Variants in ZEB1 observed in about 807,000 individuals in gnomAD.
ZEB1 encodes the protein zinc finger E-box binding homeobox 1, also known as zinc finger E-box-binding homeobox 1.
A neutral mutation model predicts 84.9 loss-of-function variants in ZEB1; 21 were observed. The ratio of observed to expected loss-of-function variants is 0.25; its 90% CI spans 0.18 to 0.36. ZEB1 has a LOEUF of 0.36. Among genes scored for constraint, ZEB1 ranks in the 10% least tolerant of loss-of-function variants. The pLI is 1.00. For synonymous variants in ZEB1, 420 were observed against 471.1 expected (o/e 0.89, Z 1.41); for missense variants, 1,104 against 1,330.2 (o/e 0.83, Z 2.65).
intron 1 of ZEB1, among the ~76,000 whole-genome samples, chr10:31,382,409 CAT>C (rs908283002): frequency 1.1e-4 from 17 of 152,024 alleles, no homozygotes; most frequent in Non-Finnish European, 1.6e-4. Flanking sequence ...TTTTGTAAAA[CAT>C]AGATTACTGG....
intron 1 of ZEB1, among the ~76,000 whole-genome samples, chr10:31,384,343 T>C (rs1053157872): frequency 6.6e-6 from 1 of 152,150 alleles, no homozygotes; most frequent in Non-Finnish European, 1.5e-5. Context: ...CATGACTAAA[T>C]GCTTACTCTC....
At chr10:31,390,322 C>T (rs1043703137) in intron 1 of ZEB1, among the ~76,000 whole-genome samples, 2 of 152,060 alleles carry the variant, frequency 1.3e-5, no homozygotes, top group Admixed American at 1.3e-4. Context: ...TTTCTCTGCG[C>T]AGGATTTTAA....
chr10:31,395,311 C>CT (rs959603736), intron 1 of ZEB1, among the ~76,000 whole-genome samples: 4 of 151,996 alleles, frequency 2.6e-5, no homozygotes, highest in Non-Finnish European at 4.4e-5. Flanking sequence ...GCATCTCATG[C>CT]TTTTTTTTCT....
intron 1 of ZEB1, among the ~76,000 whole-genome samples, chr10:31,457,729 A>G (rs571081715): frequency 1.3e-5 from 2 of 152,132 alleles, no homozygotes; most frequent in African/African-American, 2.4e-5. Context: ...TGACTTGGGC[A>G]GAATAGAACA....
intron 2 of ZEB1, among the ~76,000 whole-genome samples, chr10:31,481,468 G>C (rs2065031598): frequency 6.6e-6 from 1 of 151,984 alleles, no homozygotes; most frequent in African/African-American, 2.4e-5. Flanking sequence ...CAGGGAAAAT[G>C]GAAGATGAGC....
intron 1 of ZEB1, chr10:31,321,710 C>G (rs1343182404): frequency 1.2e-6 from 1 of 860,334 alleles, no homozygotes; most frequent in East Asian, 2.5e-5. Context: ...GATTTTTCTC[C>G]TTGAGATCCT....
intron 1 of ZEB1, among the ~76,000 whole-genome samples, chr10:31,383,776 A>T (rs1044748775): frequency 3.9e-5 from 6 of 152,132 alleles, no homozygotes; most frequent in African/African-American, 1.4e-4. Flanking sequence ...CATTTTTGCC[A>T]TTGCCAAAAG....
At chr10:31,388,970 A>G (rs1024062961) in intron 1 of ZEB1, among the ~76,000 whole-genome samples, 3 of 152,130 alleles carry the variant, frequency 2.0e-5, no homozygotes, top group African/African-American at 4.8e-5. Flanking sequence ...CTCCCTAAAC[A>G]TACACCTTTT....
chr10:31,442,768 G>A (rs1344670531), intron 1 of ZEB1, among the ~76,000 whole-genome samples: 1 of 152,136 alleles, frequency 6.6e-6, no homozygotes, highest in Non-Finnish European at 1.5e-5. Context: ...AGATTGTTTT[G>A]AAAAGGAGAG....
chr10:31,344,643 T>C (rs1232988421), intron 1 of ZEB1, among the ~76,000 whole-genome samples: 1 of 152,112 alleles, frequency 6.6e-6, no homozygotes, highest in Non-Finnish European at 1.5e-5. Context: ...ACAAAAGAAC[T>C]AGTTACCTTT....
rs2068933346 is a variant in ZEB1 at position 31,506,101 on chromosome 10, A to G, written c.484+3592A>G. On this transcript the variant is annotated intron_variant, in intron 4 of 8. Coordinates refer to ENST00000424869, the MANE Select transcript of ZEB1 (RefSeq NM_001174096.2). Reference sequence around the variant, plus strand: ...AAAGTTCCTCTTATTATTAAAATCTATAGTTGTATTACTTTGTGGTCTAAA... The same window carrying G: ...AAAGTTCCTCTTATTATTAAAATCTGTAGTTGTATTACTTTGTGGTCTAAA... Among the ~76,000 whole-genome samples the G allele has an allele frequency of 5.9e-5, 9 of 152,060 alleles. No individual in the cohort carries two copies. The South Asian group carries it at 1.9e-3, about 32-fold the overall frequency.
At chr10:31,504,075 T>C (rs1280670243) in intron 4 of ZEB1, among the ~76,000 whole-genome samples, 1 of 151,988 alleles carries the variant, frequency 6.6e-6, no homozygotes, top group African/African-American at 2.4e-5. Context: ...TGTTTTCTTC[T>C]AGTTTTATGG....
At chr10:31,441,421 G>C (rs2058969562) in intron 1 of ZEB1, among the ~76,000 whole-genome samples, 1 of 152,164 alleles carries the variant, frequency 6.6e-6, no homozygotes, top group Non-Finnish European at 1.5e-5. Flanking sequence ...ATGGATTAAA[G>C]ATTGAAATGT....
intron 1 of ZEB1, among the ~76,000 whole-genome samples, chr10:31,397,685 G>A (rs2051059027): frequency 6.6e-6 from 1 of 152,024 alleles, no homozygotes; most frequent in Admixed American, 6.6e-5. Context: ...TATGACCTAA[G>A]AATTGTTTTT....
At chr10:31,471,607 T>G (rs1204993149) in intron 2 of ZEB1, among the ~76,000 whole-genome samples, 2 of 141,980 alleles carry the variant, frequency 1.4e-5, no homozygotes, top group Non-Finnish European at 3.0e-5. Context: ...CACACATTAA[T>G]AATGGGAGAC....
chr10:31,412,091 C>A (rs2054403591), intron 1 of ZEB1, among the ~76,000 whole-genome samples: 1 of 152,108 alleles, frequency 6.6e-6, no homozygotes. Flanking sequence ...TTACTTATTT[C>A]TTTGCAGATT....
At chr10:31,468,662 C>G (rs1485809736) in intron 2 of ZEB1, among the ~76,000 whole-genome samples, 1 of 152,200 alleles carries the variant, frequency 6.6e-6, no homozygotes, top group Non-Finnish European at 1.5e-5. Flanking sequence ...CTAAGGCTAT[C>G]TGTAACCAAG....
At chr10:31,463,326 TAAAAAC>T (rs1189958592) in intron 2 of ZEB1, among the ~76,000 whole-genome samples, 2 of 152,084 alleles carry the variant, frequency 1.3e-5, no homozygotes, top group Admixed American at 1.3e-4. Flanking sequence ...GGTGCTAGAT[TAAAAAC>T]AAAAACAAAA....
At chr10:31,427,110 G>T (rs1456932637) in intron 1 of ZEB1, among the ~76,000 whole-genome samples, 2 of 151,758 alleles carry the variant, frequency 1.3e-5, no homozygotes, top group Non-Finnish European at 2.9e-5. Flanking sequence ...ATGCATATAG[G>T]TGTGTGCAAG....
Sources: allele counts gnomAD v4.1 joint callset (sites outside exome capture counted in the v4.1 genomes callset), GRCh38; gene constraint gnomAD v4.1.1; transcripts MANE v1.5; gene names NCBI Gene and HGNC (gene_info 2026-07-23, HGNC 2026-07-21).